The following ADGRL2 variants were observed in gnomAD, a reference collection of about 807,000 sequenced individuals.
ADGRL2 encodes the protein calcium-independent alpha-latrotoxin receptor 2.
A neutral mutation model predicts 157.4 loss-of-function variants in ADGRL2; 44 were observed. The observed-to-expected ratio is 0.28, with a 90% CI of 0.22 to 0.36. ADGRL2 has a LOEUF of 0.36. Among genes scored for constraint, ADGRL2 ranks in the 10% least tolerant of loss-of-function variants. The pLI is 1.00. For missense variants in ADGRL2, 1,510 were observed against 1,768.9 expected (o/e 0.85, Z 2.63); for synonymous variants, 585 against 624.7 (o/e 0.94, Z 0.95).
intron 1 of ADGRL2, among the ~76,000 whole-genome samples, chr1:81,307,820 T>C (rs1659451860): frequency 1.4e-5 from 1 of 73,506 alleles, no homozygotes; most frequent in South Asian, 3.0e-4. Flanking sequence ...TGCAGTTCTT[T>C]TTCTTTTTGA....
intron 1 of ADGRL2, among the ~76,000 whole-genome samples, chr1:81,713,431 G>A (rs967219175): frequency 6.6e-6 from 1 of 152,176 alleles, no homozygotes; most frequent in Non-Finnish European, 1.5e-5. Flanking sequence ...AAGAGGTAAG[G>A]TTAGAAGGGA....
chr1:81,635,493 A>G (rs2082098017), intron 3 of ADGRL2, among the ~76,000 whole-genome samples: 1 of 152,218 alleles, frequency 6.6e-6, no homozygotes, highest in Non-Finnish European at 1.5e-5. Flanking sequence ...TATAAACAAG[A>G]GAAATTTGTT....
intron 1 of ADGRL2, among the ~76,000 whole-genome samples, chr1:81,397,487 TTTC>T (rs1449463939): frequency 6.6e-6 from 1 of 151,884 alleles, no homozygotes; most frequent in East Asian, 1.9e-4. Context: ...GCCAGACTAA[TTTC>T]TTGCATTTTT....
chr1:81,534,343 G>A (rs1456154859), intron 2 of ADGRL2, among the ~76,000 whole-genome samples: 2 of 152,002 alleles, frequency 1.3e-5, no homozygotes, highest in African/African-American at 2.4e-5. Context: ...TGTATTTTCG[G>A]TAGAGACGGG....
chr1:81,384,083 G>C (rs541306375), intron 1 of ADGRL2, among the ~76,000 whole-genome samples: 5 of 152,198 alleles, frequency 3.3e-5, no homozygotes, highest in Middle Eastern at 6.8e-3. Flanking sequence ...TTCATTTTTA[G>C]GAATGCTTTT....
At chr1:81,799,157 G>T (rs1353828970), upstream of ADGRL2, among the ~76,000 whole-genome samples, 2 of 152,148 alleles carry the variant, frequency 1.3e-5, no homozygotes, top group African/African-American at 4.8e-5. Context: ...TCTGTTGTAT[G>T]TATGTATTTT....
At chr1:81,389,690 A>G (rs1409539640) in intron 1 of ADGRL2, among the ~76,000 whole-genome samples, 1 of 152,114 alleles carries the variant, frequency 6.6e-6, no homozygotes, top group Non-Finnish European at 1.5e-5. Context: ...ATATAATTCA[A>G]CCACTAATAC....
chr1:81,951,269 A>T (rs1310018822), intron 8 of ADGRL2, 148 bp downstream of exon 8: 2 of 564,020 alleles, frequency 3.5e-6, no homozygotes, highest in Non-Finnish European at 6.3e-6. Context: ...TTTGTCTGTA[A>T]ACTGTTTATT....
At chr1:81,763,747 G>C (rs111938261) in intron 2 of ADGRL2, among the ~76,000 whole-genome samples, 1 of 145,496 alleles carries the variant, frequency 6.9e-6, no homozygotes, top group Non-Finnish European at 1.5e-5. Context: ...GGGGCTAGGC[G>C]CAGTGGCTTA....
chr1:81,705,098 G>T (rs941599126), intron 1 of ADGRL2, among the ~76,000 whole-genome samples: 1 of 152,086 alleles, frequency 6.6e-6, no homozygotes, highest in African/African-American at 2.4e-5. Flanking sequence ...TGTCGCCCAG[G>T]CTGGAATGCA....
intron 1 of ADGRL2, among the ~76,000 whole-genome samples, chr1:81,311,660 AT>A (rs1659763639): frequency 6.6e-6 from 1 of 152,182 alleles, no homozygotes; most frequent in Non-Finnish European, 1.5e-5. Flanking sequence ...CATCCAACAC[AT>A]TTCTTAAGAC....
chr1:81,482,915 C>T (rs1394936735), intron 2 of ADGRL2, among the ~76,000 whole-genome samples: 1 of 151,944 alleles, frequency 6.6e-6, no homozygotes. Flanking sequence ...CTGTACACCA[C>T]ACTAATTTTA....
At chr1:81,545,744 G>A (rs2080000981) in intron 2 of ADGRL2, among the ~76,000 whole-genome samples, 3 of 152,150 alleles carry the variant, frequency 2.0e-5, no homozygotes, top group Admixed American at 6.5e-5. Context: ...AGTTCACATG[G>A]CTAGTAAATG....
chr1:81,611,537 G>A (rs983164113), intron 3 of ADGRL2, among the ~76,000 whole-genome samples: 1 of 152,044 alleles, frequency 6.6e-6, no homozygotes, highest in Non-Finnish European at 1.5e-5. Context: ...TATGTGTAAG[G>A]CCCTTATTTT....
intron 3 of ADGRL2, among the ~76,000 whole-genome samples, chr1:81,922,558 T>G (rs932584231): frequency 1.3e-5 from 2 of 152,122 alleles, no homozygotes; most frequent in African/African-American, 4.8e-5. Flanking sequence ...TAAGGTACAG[T>G]TTGATATTCA....
chr1:81,680,955 T>G (rs1399252677), intron 3 of ADGRL2, among the ~76,000 whole-genome samples: 2 of 152,174 alleles, frequency 1.3e-5, no homozygotes, highest in African/African-American at 2.4e-5. Flanking sequence ...TCTTGAATTT[T>G]TTGACACACA....
intron 1 of ADGRL2, among the ~76,000 whole-genome samples, chr1:81,395,734 G>A (rs2076643839): frequency 6.6e-6 from 1 of 152,068 alleles, no homozygotes; most frequent in Non-Finnish European, 1.5e-5. Flanking sequence ...GTGAAGGATG[G>A]GGGTCTAGTT....
chr1:81,816,628 T>C (rs2090431752), intron 1 of ADGRL2, among the ~76,000 whole-genome samples: 1 of 151,988 alleles, frequency 6.6e-6, no homozygotes, highest in African/African-American at 2.4e-5. Flanking sequence ...TATGGTGATG[T>C]TCTTTGGAGT....
intron 2 of ADGRL2, among the ~76,000 whole-genome samples, chr1:81,574,000 C>T (rs957066799): frequency 1.3e-5 from 2 of 152,124 alleles, no homozygotes; most frequent in Admixed American, 6.6e-5. Context: ...CCTGGGGCGT[C>T]TGCTTCATAA....
Sources: gnomAD v4.1 joint callset for allele counts (sites outside exome capture counted in the v4.1 genomes callset) on GRCh38, gnomAD v4.1.1 for gene constraint, MANE v1.5 for transcripts, NCBI Gene and HGNC (gene_info 2026-07-23, HGNC 2026-07-21) for gene names.